CCDC18: variants seen among roughly 807,000 people sequenced by gnomAD.
CCDC18 encodes coiled-coil domain containing 18, also known as coiled-coil domain-containing protein 18.
In CCDC18, 157 loss-of-function variants were observed where a neutral mutation model predicts 196.0. That is an observed-to-expected ratio of 0.80 (90% CI 0.70 to 0.91). The LOEUF (loss-of-function observed/expected upper bound fraction) is 0.91, where lower values mean the gene tolerates loss of function less well. Among genes scored for constraint, CCDC18 ranks in the 40% least tolerant of loss-of-function variants. The pLI, the probability that CCDC18 is intolerant of heterozygous loss-of-function variation, is 0.00. For missense variants in CCDC18, 1,465 were observed against 1,611.6 expected (o/e 0.91, Z 1.56); for synonymous variants, 482 against 529.2 (o/e 0.91, Z 1.22).
chr1:93,208,461 A>G (rs1445802424), intron 9 of CCDC18, among the ~76,000 whole-genome samples: 1 of 151,616 alleles, frequency 6.6e-6, no homozygotes, highest in Non-Finnish European at 1.5e-5. Flanking sequence ...CCTCCCTAGT[A>G]GCTGGGACTA....
intron 7 of CCDC18, among the ~76,000 whole-genome samples, chr1:93,204,474 C>G (rs1468824817): frequency 6.6e-6 from 1 of 151,866 alleles, no homozygotes; most frequent in African/African-American, 2.4e-5. Context: ...ATTTGCTAAA[C>G]TTTTGAGAGA....
intron 23 of CCDC18, 76 bp downstream of exon 23, chr1:93,247,030 AT>A: frequency 1.5e-6 from 1 of 645,482 alleles, no homozygotes; most frequent in Non-Finnish European, 2.7e-6. Flanking sequence ...ACCCCTTCAA[AT>A]AGTGGGTGTT....
chr1:93,180,965 T>A, intron 1 of CCDC18, 113 bp downstream of exon 1: 1 of 1,032,016 alleles, frequency 9.7e-7, no homozygotes, highest in Non-Finnish European at 1.3e-6. Context: ...TTGGATGCGC[T>A]GGGACTGGTC....
intron 3 of CCDC18, 91 bp downstream of exon 3, chr1:93,184,237 TAAAG>T (rs1004612880): frequency 7.0e-5 from 37 of 528,126 alleles, no homozygotes; most frequent in African/African-American, 6.3e-4. Flanking sequence ...AAAATTAAAT[TAAAG>T]AAAAAAATTT....
At position 93,205,531 on chromosome 1, in the gene CCDC18, T is replaced by C. The variant is rs1200522900; in HGVS notation, c.817T>C (p.Leu273=). 1.9e-6 allele frequency: 3 copies of C among 1,591,644 alleles called. No individual in the cohort carries two copies. Among genetic ancestry groups the C allele is most frequent in the Non-Finnish European group, 2.6e-6 (3 of 1,165,636 alleles). The change falls in exon 8 of 29, where the codon TTA becomes CTA. Residue 273 remains leucine (L), a synonymous_variant. Transcript: ENST00000690025. ...LEKVQAEEEI[L]ERNLTNCEKE... ...TTAGGTTCAAGCTGAAGAAGAAATATTAGAGAGAAATCTAACTAACTGTGA... is the reference window on the plus strand; with the variant it reads ...TTAGGTTCAAGCTGAAGAAGAAATACTAGAGAGAAATCTAACTAACTGTGA...
intron 14 of CCDC18, among the ~76,000 whole-genome samples, chr1:93,219,237 C>A (rs1193873955): frequency 4.6e-5 from 7 of 152,212 alleles, no homozygotes; most frequent in African/African-American, 1.7e-4. Context: ...TGAGGTACAA[C>A]TGCCATACTT....
At chr1:93,235,435 A>G (rs1312510974) in intron 18 of CCDC18, among the ~76,000 whole-genome samples, 1 of 152,192 alleles carries the variant, frequency 6.6e-6, no homozygotes, top group Non-Finnish European at 1.5e-5. Flanking sequence ...GGAAATGTCC[A>G]TTGGAATTAG....
chr1:93,208,295 G>C (rs1655030693), intron 9 of CCDC18, among the ~76,000 whole-genome samples: 1 of 151,694 alleles, frequency 6.6e-6, no homozygotes. Flanking sequence ...ATCTTAGTGG[G>C]TGTGAAGTGG....
At chr1:93,253,490 G>A (rs1056995100) in intron 23 of CCDC18, among the ~76,000 whole-genome samples, 4 of 152,192 alleles carry the variant, frequency 2.6e-5, no homozygotes, top group African/African-American at 9.7e-5. Context: ...GGTCCCCTTG[G>A]GATCTGCTCT....
Position 93,216,687 on chromosome 1 carries a change from A to G in CCDC18, c.1771A>G (p.Lys591Glu). 1.9e-6 allele frequency: 3 copies of G among 1,588,716 alleles called. No homozygotes were observed. The highest frequency in any genetic ancestry group is 2.3e-5 in the South Asian group (2 of 85,900). Residue 591 changes from lysine to glutamate, a missense_variant, in exon 13 of 29, where the codon AAG (lysine) becomes GAG (glutamate). Transcript: ENST00000690025. ...AACTCTTGAGAAACAGCTGGAAGAA[A>G]AGATAGTTGCTTATTCCTCTATTGC... is the stretch of plus-strand genomic sequence containing the variant. ...LLTLEKQLEE[K>E]IVAYSSIAAK...
chr1:93,270,421 C>T lies in CCDC18; in HGVS notation c.3960C>T (p.Ala1320=), dbSNP rs537681803. 3.9e-6 allele frequency: 6 copies of T among 1,550,316 alleles called. No homozygotes were observed. The South Asian group carries it at 7.1e-5, about 18-fold the overall frequency. ...EKAEDIKFLP[A]PFTSPTEIMP... ...CAGAAGACATCAAGTTTCTGCCAGC[C>T]CCATTTACATCTCCAACAGAAATTA... Residue 1320 remains alanine, a synonymous_variant, in exon 28 of 29, where the codon GCC becomes GCT. Coordinates refer to ENST00000690025, the MANE Select transcript of CCDC18 (RefSeq NM_001378204.1).
chr1:93,186,359 T>C lies in CCDC18; in HGVS notation c.318T>C (p.Ser106=). 6.2e-7 allele frequency: 1 copy of C among 1,611,056 alleles called. No homozygotes were observed. ...CATTCTTTCAGATGTTTTCATCTTCTGCCCCTGTGGATCAGGAGATTAAAA... is the reference window on the plus strand; with the variant it reads ...CATTCTTTCAGATGTTTTCATCTTCCGCCCCTGTGGATCAGGAGATTAAAA... ...KKPRDKMFSS[S]APVDQEIKSL... The change falls in exon 4 of 29, where the codon TCT becomes TCC. Residue 106 remains serine, a synonymous_variant. Transcript: ENST00000690025.
At chr1:93,200,647 C>A (rs1256881270) in intron 6 of CCDC18, among the ~76,000 whole-genome samples, 2 of 152,148 alleles carry the variant, frequency 1.3e-5, no homozygotes, top group Non-Finnish European at 2.9e-5. Flanking sequence ...ACATAAGGAC[C>A]TCAACTTTAT....
upstream of CCDC18, chr1:93,179,995 G>A (rs534740152): frequency 2.6e-6 from 4 of 1,531,680 alleles, no homozygotes; most frequent in Admixed American, 1.9e-5. Context: ...ACGGGTGAGA[G>A]GCGACAACGC....
At chr1:93,270,113 T>A (rs978738479) in intron 27 of CCDC18, among the ~76,000 whole-genome samples, 1 of 152,126 alleles carries the variant, frequency 6.6e-6, no homozygotes, top group African/African-American at 2.4e-5. Flanking sequence ...GAGAATCTAG[T>A]TTTAATGGAA....
chr1:93,238,264 A>G lies in CCDC18; in HGVS notation c.2604-1046A>G, dbSNP rs532015261. Among the ~76,000 whole-genome samples, 7 of 152,328 alleles carry G rather than the reference A, an allele frequency of 4.6e-5. No homozygotes were observed. In the South Asian group the frequency reaches 1.5e-3, roughly 32 times the overall value. On this transcript the variant is annotated intron_variant, in intron 19 of 28. Transcript: ENST00000690025. ...AAAAATTATTTACTTGGGATTTTAG[A>G]AATGTAAAAGTGTCATTAGCACTCA...
intron 11 of CCDC18, among the ~76,000 whole-genome samples, chr1:93,213,418 T>G (rs1054191921): frequency 5.3e-5 from 8 of 151,994 alleles, no homozygotes; most frequent in Non-Finnish European, 1.2e-4. Flanking sequence ...TCTTTTTTTT[T>G]TTTTCCAAAA....
intron 21 of CCDC18, among the ~76,000 whole-genome samples, chr1:93,242,012 C>T (rs72959216): frequency 0.089 from 13,587 of 152,082 alleles, 1,998 homozygotes; most frequent in African/African-American, 0.31. Context: ...GTAAGTTGAA[C>T]GTAGAATTAC....
intron 19 of CCDC18, among the ~76,000 whole-genome samples, chr1:93,236,784 G>A (rs1476020986): frequency 1.3e-5 from 2 of 152,110 alleles, no homozygotes; most frequent in African/African-American, 4.8e-5. Flanking sequence ...TATAGGGGAA[G>A]AATGACAATA....
Sources: allele counts gnomAD v4.1 joint callset (sites outside exome capture counted in the v4.1 genomes callset), GRCh38; gene constraint gnomAD v4.1.1; transcripts MANE v1.5; gene names NCBI Gene and HGNC (gene_info 2026-07-23, HGNC 2026-07-21).